GLI2: variants seen among roughly 807,000 people sequenced by gnomAD.
GLI2 encodes transcription activator GLI2.
GLI2 carries 22 observed loss-of-function variants against 78.9 expected under a neutral mutation model. That is an observed-to-expected ratio of 0.28 (90% CI 0.20 to 0.40). The LOEUF (loss-of-function observed/expected upper bound fraction) is 0.40, where lower values mean the gene tolerates loss of function less well. Among genes scored for constraint, GLI2 ranks in the 10% least tolerant of loss-of-function variants. GLI2 has a pLI of 1.00. For synonymous variants in GLI2, 974 were observed against 963.7 expected (o/e 1.01, Z -0.20); for missense variants, 2,097 against 2,213.2 (o/e 0.95, Z 1.05).
rs558780829 is a variant in GLI2, at chr2:120,809,535, T to C, written c.148+12067T>C. 2.0e-5 allele frequency among the ~76,000 whole-genome samples: 3 copies of C among 150,602 alleles called. No homozygotes were observed. In the East Asian group the frequency reaches 5.9e-4, roughly 30 times the overall value. ...ATGGTATGTGAATTACATCTCTGTT[T>C]AAAAAAGAAGGGAGGGAGGAGAAAG... On this transcript the variant is annotated intron_variant, in intron 2 of 13. Coordinates refer to ENST00000361492, the MANE Select transcript of GLI2 (RefSeq NM_001374353.1).
intron 1 of GLI2, among the ~76,000 whole-genome samples, chr2:120,751,302 T>C (rs1052496032): frequency 6.6e-6 from 1 of 152,214 alleles, no homozygotes; most frequent in Non-Finnish European, 1.5e-5. Context: ...TTAATTCTAG[T>C]CTTTTTTTCC....
chr2:120,783,905 T>C (rs78169860), intron 1 of GLI2, among the ~76,000 whole-genome samples: 4,691 of 152,278 alleles, frequency 0.031, 227 homozygotes, highest in African/African-American at 0.11. Flanking sequence ...GAATTTCAGG[T>C]GGGGAGTCAG....
intron 2 of GLI2, among the ~76,000 whole-genome samples, chr2:120,814,410 A>C (rs1461059274): frequency 3.3e-5 from 5 of 152,218 alleles, no homozygotes; most frequent in Non-Finnish European, 7.3e-5. Flanking sequence ...GAGTGTGGTA[A>C]AATGGATACT....
chr2:120,935,456 G>A (rs1046182493), intron 3 of GLI2, among the ~76,000 whole-genome samples: 1 of 152,202 alleles, frequency 6.6e-6, no homozygotes, highest in Non-Finnish European at 1.5e-5. Context: ...AAACGGCCCT[G>A]AGACCCCATC....
intron 5 of GLI2, among the ~76,000 whole-genome samples, chr2:120,957,501 A>G (rs565591320): frequency 6.6e-6 from 1 of 152,366 alleles, no homozygotes; most frequent in Non-Finnish European, 1.5e-5. Flanking sequence ...AACCGAGTGC[A>G]TGAAGGATCA....
At chr2:120,754,271 G>A (rs1290877315) in intron 1 of GLI2, among the ~76,000 whole-genome samples, 2 of 152,132 alleles carry the variant, frequency 1.3e-5, no homozygotes, top group Non-Finnish European at 2.9e-5. Context: ...GTCGATCCTT[G>A]CCAATCTGAT....
At chr2:120,887,873 C>T (rs573004119) in intron 2 of GLI2, among the ~76,000 whole-genome samples, 2 of 152,210 alleles carry the variant, frequency 1.3e-5, no homozygotes, top group Non-Finnish European at 2.9e-5. Flanking sequence ...AGTGCTAGAT[C>T]AATATGACAG....
At chr2:120,809,718 A>G (rs1685144547) in intron 2 of GLI2, among the ~76,000 whole-genome samples, 1 of 152,182 alleles carries the variant, frequency 6.6e-6, no homozygotes, top group South Asian at 2.1e-4. Flanking sequence ...CCCCTGGCCA[A>G]TGAGCAGCCT....
chr2:120,859,193 G>A (rs535213775), intron 2 of GLI2, among the ~76,000 whole-genome samples: 146 of 152,330 alleles, frequency 9.6e-4, no homozygotes, highest in African/African-American at 3.3e-3. Flanking sequence ...GATGGGAGAG[G>A]CCTTTGTCGT....
chr2:120,777,561 T>C (rs1332079645), intron 1 of GLI2, among the ~76,000 whole-genome samples: 1 of 147,806 alleles, frequency 6.8e-6, no homozygotes, highest in Non-Finnish European at 1.5e-5. Context: ...GGAGGAAAGC[T>C]TTGGGGGGTC....
Position 120,763,138 on chromosome 2 carries a change from A to G in GLI2, c.-31+26853A>G, listed in dbSNP as rs1166297108. Among the ~76,000 whole-genome samples, 4 of 151,954 alleles carry G rather than the reference A, an allele frequency of 2.6e-5. No individual in the cohort carries two copies. In the East Asian group the frequency reaches 7.8e-4, roughly 29 times the overall value. ...CTGGACTTAATCTTGGGTTCTCTGA[A>G]TGTGCCCTTCCTGCCCCCACCACAG... On this transcript the variant is annotated intron_variant, in intron 1 of 13. Coordinates refer to ENST00000361492, the MANE Select transcript of GLI2 (RefSeq NM_001374353.1).
rs1201269872 is a variant in GLI2, at chr2:120,882,334, C to A, written c.149-45027C>A. On this transcript the variant is annotated intron_variant, in intron 2 of 13. Transcript: ENST00000361492. The stretch of plus-strand genomic sequence containing the variant: ...AGGAGTGAAGGTGGTGAAGGATCAC[C>A]CGGGAGATGCTGCTTGGGCTGGAGG... Among the ~76,000 whole-genome samples the A allele has an allele frequency of 3.3e-5, 5 of 152,296 alleles. No homozygotes were observed. In the South Asian group the frequency reaches 8.3e-4, roughly 25 times the overall value.
At chr2:120,754,538 C>A (rs930259710) in intron 1 of GLI2, among the ~76,000 whole-genome samples, 2 of 151,936 alleles carry the variant, frequency 1.3e-5, no homozygotes, top group Admixed American at 6.6e-5. Context: ...TCATTTTTGT[C>A]TGGCTTCTTT....
At chr2:120,855,020 C>G (rs1251060234) in intron 2 of GLI2, among the ~76,000 whole-genome samples, 2 of 152,270 alleles carry the variant, frequency 1.3e-5, no homozygotes, top group Non-Finnish European at 2.9e-5. Context: ...GCAGGCTCCC[C>G]TCGAGGTCAT....
At chr2:120,899,315 C>T (rs1319442464) in intron 2 of GLI2, among the ~76,000 whole-genome samples, 1 of 152,110 alleles carries the variant, frequency 6.6e-6, no homozygotes, top group Non-Finnish European at 1.5e-5. Flanking sequence ...AGGGAGAGCA[C>T]GTTTCTCACT....
chr2:120,836,439 AT>A lies in GLI2; in HGVS notation c.148+38972del, dbSNP rs147469806. Among the ~76,000 whole-genome samples, 492 of 152,358 alleles carry A rather than the reference AT, an allele frequency of 3.2e-3. 2 individuals are homozygous for A. Among genetic ancestry groups the A allele is most frequent in the African/African-American group, 0.011 (474 of 41,576 alleles). ...CATTGAAAGCTCCGTAGACGCCACA[AT>A]AAATGAATATTCCACAGCCGATTTC... is the stretch of plus-strand genomic sequence containing the variant. On this transcript the variant is annotated intron_variant, in intron 2 of 13. Transcript: ENST00000361492.
chr2:120,822,163 C>T lies in GLI2; in HGVS notation c.148+24695C>T, dbSNP rs138862618. On this transcript the variant is annotated intron_variant, in intron 2 of 13. Transcript: ENST00000361492. Reference sequence around the variant, plus strand: ...AGTTCTTGTCTGTGCAGCATCCTTTCGGGTGCAAGGATTGTTACAAGGGTT... The same window carrying T: ...AGTTCTTGTCTGTGCAGCATCCTTTTGGGTGCAAGGATTGTTACAAGGGTT... Among the ~76,000 whole-genome samples, 31 of 152,332 alleles carry T rather than the reference C, an allele frequency of 2.0e-4. No homozygotes were observed. The East Asian group carries it at 4.4e-3, about 22-fold the overall frequency.
intron 1 of GLI2, among the ~76,000 whole-genome samples, chr2:120,741,678 G>GCCTC (rs1172609040): frequency 6.6e-6 from 1 of 152,020 alleles, no homozygotes; most frequent in Non-Finnish European, 1.5e-5. Context: ...GCCACGCGGA[G>GCCTC]CGCTGGCTGG....
chr2:120,852,119 G>A (rs1390800380), intron 2 of GLI2, among the ~76,000 whole-genome samples: 2 of 152,316 alleles, frequency 1.3e-5, no homozygotes, highest in Admixed American at 6.5e-5. Flanking sequence ...AGAGTGAGTG[G>A]GGAAGGCCCT....
Sources: gnomAD v4.1 joint callset for allele counts (sites outside exome capture counted in the v4.1 genomes callset) on GRCh38, gnomAD v4.1.1 for gene constraint, MANE v1.5 for transcripts, NCBI Gene and HGNC (gene_info 2026-07-23, HGNC 2026-07-21) for gene names.